TAS2R13: variants seen among roughly 807,000 people sequenced by gnomAD.
TAS2R13 encodes taste receptor type 2 member 13.
For missense variants in TAS2R13, 384 were observed against 347.5 expected, an observed-to-expected ratio of 1.11 and a Z score of -0.84; for synonymous variants, 129 against 125.5, an observed-to-expected ratio of 1.03 and a Z score of -0.19.
rs1480889289 is a variant in TAS2R13, at chr12:10,909,044, C to T, written c.255G>A (p.Met85Ile). 1 of 1,613,568 alleles carries T rather than the reference C, an allele frequency of 6.2e-7. No homozygotes were observed. The highest frequency in any genetic ancestry group is 1.1e-5 in the South Asian group (1 of 91,050). ...GATTAGAAACTATCCAGCTAAAAAT[C>T]ATAATTCTTAATCCTGTTCCAGACA... is the stretch of plus-strand genomic sequence containing the variant. ...IFVSGTGLRI[M>I]IFSWIVSNHF... Residue 85 changes from methionine to isoleucine, a missense_variant, in exon 1 of 1, where the codon ATG becomes ATA. Coordinates refer to ENST00000390677, the MANE Select transcript of TAS2R13 (RefSeq NM_023920.2).
In TAS2R13 at chr12:10,908,823, T is replaced by C. The variant is rs1949848290; in HGVS notation, c.476A>G (p.Tyr159Cys). Reference protein sequence around the residue: ...NMHIKDWLDRYERNTTWNFSM... With the variant: ...NMHIKDWLDRCERNTTWNFSM... ...GAAATTCCAAGTTGTGTTTCTTTCA[T>C]ATCGGTCCAGCCAGTCTTTTATATG... Residue 159 changes from tyrosine (Y) to cysteine (C), a missense_variant, in exon 1 of 1, where the codon TAT becomes TGT. Physicochemically the swap from Tyr to Cys is radical, Grantham distance 194. Transcript: ENST00000390677. 16 of 1,613,938 alleles carry C rather than the reference T, an allele frequency of 9.9e-6. No homozygotes were observed. The highest frequency in any genetic ancestry group is 1.3e-5 in the African/African-American group (1 of 75,056).
Position 10,909,492 on chromosome 12 carries a change from G to A in TAS2R13, c.-194C>T. ...TCGATCTTCACATAACTGTTCTGGTGATATCTTTATTTTTCTTCAATTTCT... is the reference window on the plus strand; with the variant it reads ...TCGATCTTCACATAACTGTTCTGGTAATATCTTTATTTTTCTTCAATTTCT... On this transcript the variant is annotated 5_prime_UTR_variant, in exon 1 of 1. Coordinates refer to ENST00000390677, the MANE Select transcript of TAS2R13 (RefSeq NM_023920.2). 1 of 508,648 alleles carries A rather than the reference G, an allele frequency of 2.0e-6. No homozygotes were observed. The highest frequency in any genetic ancestry group is 3.5e-6 in the Non-Finnish European group (1 of 283,108). The allele number at this position is 508,648 out of a possible 1,614,324, so 31.5% of individuals were successfully genotyped here. A position where few individuals can be genotyped will look rare whatever the true frequency, so the allele number is the denominator to read the frequency against.
rs749785671 is a variant in TAS2R13 at position 10,909,240 on chromosome 12, C to T, written c.59G>A (p.Gly20Glu). ...TACTATAAATCCATTGCTCAAATTCCCAATTATGAATTCTGCAATTATTAC... is the reference window on the plus strand; with the variant it reads ...TACTATAAATCCATTGCTCAAATTCTCAATTATGAATTCTGCAATTATTAC... Reference protein sequence around the residue: ...TLVIIAEFIIGNLSNGFIVLI... With the variant: ...TLVIIAEFIIENLSNGFIVLI... Residue 20 changes from glycine (G) to glutamate (E), a missense_variant, in exon 1 of 1, where the codon GGG (glycine) becomes GAG (glutamate). Coordinates refer to ENST00000390677, the MANE Select transcript of TAS2R13 (RefSeq NM_023920.2). 1.2e-6 allele frequency: 2 copies of T among 1,613,614 alleles called. No individual in the cohort carries two copies. The highest frequency in any genetic ancestry group is 2.2e-5 in the East Asian group (1 of 44,856).
chr12:10,909,441 A>G lies in TAS2R13; in HGVS notation c.-143T>C, dbSNP rs1949862835. 1 of 622,660 alleles carries G rather than the reference A, an allele frequency of 1.6e-6. No homozygotes were observed. The highest frequency in any genetic ancestry group is 2.8e-6 in the Non-Finnish European group (1 of 351,300). The allele number at this position is 622,660 out of a possible 1,614,324, so 38.6% of individuals were successfully genotyped here. ...TTCTTTCATTGTTGGCTCAACGTCA[A>G]AGCAGAAATCTCTAAAGTTTGCTGA... On this transcript the variant is annotated 5_prime_UTR_variant, in exon 1 of 1. Coordinates refer to ENST00000390677, the MANE Select transcript of TAS2R13 (RefSeq NM_023920.2).
In TAS2R13 at chr12:10,909,503, T is replaced by G. The variant is rs187860064; in HGVS notation, c.-205A>C. On this transcript the variant is annotated 5_prime_UTR_variant, in exon 1 of 1. Transcript: ENST00000390677. ...ATAACTGTTCTGGTGATATCTTTAT[T>G]TTTCTTCAATTTCTCTGCTGAGCCC... 4 of 489,008 alleles carry G rather than the reference T, an allele frequency of 8.2e-6. No homozygotes were observed. Among genetic ancestry groups the G allele is most frequent in the Middle Eastern group, 5.5e-4 (1 of 1,832 alleles). 30.3% of individuals were successfully genotyped at this position (489,008 alleles called of 1,614,324 possible). A position where few individuals can be genotyped will look rare whatever the true frequency, so the allele number is the denominator to read the frequency against.
chr12:10,909,262 T>C lies in TAS2R13; in HGVS notation c.37A>G (p.Ile13Val). 1.9e-6 allele frequency: 3 copies of C among 1,613,544 alleles called. No individual in the cohort carries two copies. The highest frequency in any genetic ancestry group is 2.5e-6 in the Non-Finnish European group (3 of 1,179,688). The change falls in exon 1 of 1, where the codon ATA becomes GTA. Residue 13 changes from isoleucine (I) to valine (V), a missense_variant. Coordinates refer to ENST00000390677, the MANE Select transcript of TAS2R13 (RefSeq NM_023920.2). ...SALPSIFTLV[I>V]IAEFIIGNLS... is the part of the protein sequence containing the mutation. ...TTCCCAATTATGAATTCTGCAATTATTACAAGAGTGAAGATACTCGGCAGG... is the reference window on the plus strand; with the variant it reads ...TTCCCAATTATGAATTCTGCAATTACTACAAGAGTGAAGATACTCGGCAGG...
rs1397451827 is a variant in TAS2R13, at chr12:10,909,189, C to T, written c.110G>A (p.Ser37Asn). Residue 37 changes from serine (S) to asparagine (N), a missense_variant, in exon 1 of 1, where the codon AGT (serine) becomes AAT (asparagine). Transcript: ENST00000390677. ...ATCGACTGAGGACAGCTCTCTTTTA[C>T]TGACCCAGTCAATGCAGTTGATCAG... is the stretch of plus-strand genomic sequence containing the variant. ...IVLINCIDWV[S>N]KRELSSVDKL... is the part of the protein sequence containing the mutation. The T allele has an allele frequency of 6.2e-7, 1 of 1,613,908 alleles. No individual in the cohort carries two copies. The highest frequency in any genetic ancestry group is 8.5e-7 in the Non-Finnish European group (1 of 1,179,938).
In TAS2R13 at chr12:10,908,319, A is replaced by G; in HGVS notation, c.*68T>C. The stretch of plus-strand genomic sequence containing the variant: ...ATAAAATATCTTTTAAACTCCTTGT[A>G]GACTCCTGTTTCTGTCTGCAATATT... On this transcript the variant is annotated 3_prime_UTR_variant, in exon 1 of 1. Transcript: ENST00000390677. The G allele has an allele frequency of 2.1e-6, 3 of 1,428,640 alleles. No individual in the cohort carries two copies. Among genetic ancestry groups the G allele is most frequent in the Non-Finnish European group, 2.9e-6 (3 of 1,051,592 alleles). The allele number at this position is 1,428,640 out of a possible 1,614,324, so 88.5% of individuals were successfully genotyped here. A position where few individuals can be genotyped will look rare whatever the true frequency, so the allele number is the denominator to read the frequency against.
At position 10,909,175 on chromosome 12, in the gene TAS2R13, A is replaced by G. The variant is rs1277958327; in HGVS notation, c.124T>C (p.Ser42Pro). 6.2e-7 allele frequency: 1 copy of G among 1,613,964 alleles called. No homozygotes were observed. The highest frequency in any genetic ancestry group is 1.7e-5 in the Admixed American group (1 of 59,976). ...ATAATGAGGAGTTTATCGACTGAGG[A>G]CAGCTCTCTTTTACTGACCCAGTCA... is the stretch of plus-strand genomic sequence containing the variant. Reference protein sequence around the residue: ...CIDWVSKRELSSVDKLLIILA... With the variant: ...CIDWVSKRELPSVDKLLIILA... Residue 42 changes from serine (S) to proline (P), a missense_variant, in exon 1 of 1, where the codon TCC (serine) becomes CCC (proline). Transcript: ENST00000390677.
In TAS2R13 at chr12:10,908,501, A is replaced by C; in HGVS notation, c.798T>G (p.Cys266Trp). ...LYQNTVIYML[C>W]ETIGVFSPSS... The stretch of plus-strand genomic sequence containing the variant: ...AAGGAGAGAAGACTCCAATCGTCTC[A>C]CAAAGCATGTAGATCACTGTGTTCT... Residue 266 changes from cysteine (C) to tryptophan (W), a missense_variant, in exon 1 of 1, where the codon TGT becomes TGG. Transcript: ENST00000390677. The C allele has an allele frequency of 6.2e-7, 1 of 1,613,966 alleles. No individual in the cohort carries two copies. Among genetic ancestry groups the C allele is most frequent in the Middle Eastern group, 1.6e-4 (1 of 6,062 alleles).
Position 10,909,269 on chromosome 12 carries a change from A to C in TAS2R13, c.30T>G (p.Thr10=). ...TTATGAATTCTGCAATTATTACAAG[A>C]GTGAAGATACTCGGCAGGGCACTTT... MESALPSIF[T]LVIIAEFIIG... Residue 10 remains threonine (T), a synonymous_variant, in exon 1 of 1, where the codon ACT becomes ACG. Transcript: ENST00000390677. 6.2e-7 allele frequency: 1 copy of C among 1,613,244 alleles called. No individual in the cohort carries two copies. The highest frequency in any genetic ancestry group is 2.2e-5 in the East Asian group (1 of 44,858).
In TAS2R13 at chr12:10,908,428, C is replaced by T; in HGVS notation, c.871G>A (p.Ala291Thr). ...ACCTTAGCTGCCACCAAAAGAAAGG[C>T]CTGTCTTAACTTAGCGTTTCCTAGA... is the stretch of plus-strand genomic sequence containing the variant. ...LILGNAKLRQ[A>T]FLLVAAKVWA... Residue 291 changes from alanine to threonine, a missense_variant, in exon 1 of 1, where the codon GCC becomes ACC. Ala to Thr is a moderately conservative substitution (Grantham distance 58, BLOSUM62 0). Coordinates refer to ENST00000390677, the MANE Select transcript of TAS2R13 (RefSeq NM_023920.2). 3 of 1,613,410 alleles carry T rather than the reference C, an allele frequency of 1.9e-6. No individual in the cohort carries two copies. In the South Asian group the frequency reaches 3.3e-5, roughly 18 times the overall value.
chr12:10,909,476 A>C lies in TAS2R13; in HGVS notation c.-178T>G, dbSNP rs1949863579. On this transcript the variant is annotated 5_prime_UTR_variant, in exon 1 of 1. The change abolishes the stop of an existing upstream ORF in the 5' untranslated region. Transcript: ENST00000390677. ...CTCTAAAGTTTGCTGATCGATCTTC[A>C]CATAACTGTTCTGGTGATATCTTTA... The C allele has an allele frequency of 1.7e-6, 1 of 583,270 alleles. No individual in the cohort carries two copies. Among genetic ancestry groups the C allele is most frequent in the Non-Finnish European group, 3.1e-6 (1 of 323,286 alleles). The allele number at this position is 583,270 out of a possible 1,614,324, so 36.1% of individuals were successfully genotyped here. A position where few individuals can be genotyped will look rare whatever the true frequency, so the allele number is the denominator to read the frequency against.
In TAS2R13 at chr12:10,909,314, G is replaced by T. The variant is rs1226739172; in HGVS notation, c.-16C>A. 1.3e-6 allele frequency: 2 copies of T among 1,575,968 alleles called. No individual in the cohort carries two copies. Among genetic ancestry groups the T allele is most frequent in the East Asian group, 4.5e-5 (2 of 44,554 alleles). On this transcript the variant is annotated 5_prime_UTR_variant, in exon 1 of 1. Coordinates refer to ENST00000390677, the MANE Select transcript of TAS2R13 (RefSeq NM_023920.2). The stretch of plus-strand genomic sequence containing the variant: ...CACTTTCCATGTCAGAACAGAGAAA[G>T]TTCAATGTCTAATGTCACTGCTGGT...
rs762435629 is a variant in TAS2R13, at chr12:10,908,713, T to C, written c.586A>G (p.Ile196Val). Residue 196 changes from isoleucine (I) to valine (V), a missense_variant, in exon 1 of 1, where the codon ATC becomes GTC. By Grantham distance (29) the Ile-to-Val change is conservative (BLOSUM62 3). Coordinates refer to ENST00000390677, the MANE Select transcript of TAS2R13 (RefSeq NM_023920.2). Reference sequence around the variant, plus strand: ...GAGAAAATTAACAGGAGAAAAGAGATGAAGGCCACAGTAAATGGTGTTAGA... The same window carrying C: ...GAGAAAATTAACAGGAGAAAAGAGACGAAGGCCACAGTAAATGGTGTTAGA... ...FSLTPFTVAF[I>V]SFLLLIFSLQ... 59 of 1,613,878 alleles carry C rather than the reference T, an allele frequency of 3.7e-5. 1 individual carries two copies. The highest frequency in any genetic ancestry group is 3.3e-4 in the Middle Eastern group (2 of 6,060).
Position 10,908,931 on chromosome 12 carries a change from T to C in TAS2R13, c.368A>G (p.Lys123Arg). 6.2e-7 allele frequency: 1 copy of C among 1,613,338 alleles called. No individual in the cohort carries two copies. Among genetic ancestry groups the C allele is most frequent in the South Asian group, 1.1e-5 (1 of 91,046 alleles). The change falls in exon 1 of 1, where the codon AAG (lysine) becomes AGG (arginine). Residue 123 changes from lysine (K) to arginine (R), a missense_variant. Lys to Arg is a conservative substitution (Grantham distance 26). Transcript: ENST00000390677. ...SFSSPAFLYL[K>R]WRVNKVILMI... is the part of the protein sequence containing the mutation. ...CAGAATCACTTTGTTTACTCTCCAC[T>C]TCAAATAGAGAAAAGCAGGGCTAGA...
At position 10,907,952 on chromosome 12, in the gene TAS2R13, T is replaced by A. The variant is rs558998705; in HGVS notation, c.*435A>T. 19 of 159,506 alleles carry A rather than the reference T, an allele frequency of 1.2e-4. No individual in the cohort carries two copies. The highest frequency in any genetic ancestry group is 4.3e-4 in the African/African-American group (18 of 41,690). 9.9% of individuals were successfully genotyped at this position (159,506 alleles called of 1,614,324 possible). A position where few individuals can be genotyped will look rare whatever the true frequency, so the allele number is the denominator to read the frequency against. On this transcript the variant is annotated 3_prime_UTR_variant, in exon 1 of 1. Coordinates refer to ENST00000390677, the MANE Select transcript of TAS2R13 (RefSeq NM_023920.2). ...GCAAGTCCAAACTTCCCTAATTCTATTCCAAATAACTGTTCTAATTATCTG... is the reference window on the plus strand; with the variant it reads ...GCAAGTCCAAACTTCCCTAATTCTAATCCAAATAACTGTTCTAATTATCTG...
chr12:10,908,481 G>C lies in TAS2R13; in HGVS notation c.818C>G (p.Ser273Cys). The C allele has an allele frequency of 6.2e-7, 1 of 1,613,900 alleles. No individual in the cohort carries two copies. The highest frequency in any genetic ancestry group is 8.5e-7 in the Non-Finnish European group (1 of 1,179,932). ...YMLCETIGVFSPSSHSFLLIL... is the reference protein window; with the variant it reads ...YMLCETIGVFCPSSHSFLLIL... Reference sequence around the variant, plus strand: ...CAGAAGAAAGGAGTGGCTTGAAGGAGAGAAGACTCCAATCGTCTCACAAAG... The same window carrying C: ...CAGAAGAAAGGAGTGGCTTGAAGGACAGAAGACTCCAATCGTCTCACAAAG... The change falls in exon 1 of 1, where the codon TCT becomes TGT. Residue 273 changes from serine to cysteine, a missense_variant. Transcript: ENST00000390677.
Position 10,908,790 on chromosome 12 carries a change from C to G in TAS2R13, c.509G>C (p.Ser170Thr). 1.2e-6 allele frequency: 2 copies of G among 1,614,002 alleles called. No individual in the cohort carries two copies. Among genetic ancestry groups the G allele is most frequent in the Non-Finnish European group, 1.7e-6 (2 of 1,179,982 alleles). The change falls in exon 1 of 1, where the codon AGT becomes ACT. Residue 170 changes from serine (S) to threonine (T), a missense_variant. Physicochemically the swap from Ser to Thr is moderately conservative, Grantham distance 58. Coordinates refer to ENST00000390677, the MANE Select transcript of TAS2R13 (RefSeq NM_023920.2). Reference protein sequence around the residue: ...ERNTTWNFSMSDFETFSVSVK... With the variant: ...ERNTTWNFSMTDFETFSVSVK... ...CGACACTGAAAATGTTTCAAAGTCA[C>G]TCATACTGAAATTCCAAGTTGTGTT...
Sources: allele counts gnomAD v4.1 joint callset, GRCh38; gene constraint gnomAD v4.1.1; transcripts MANE v1.5; gene names NCBI Gene and HGNC (gene_info 2026-07-23, HGNC 2026-07-21).